The following HDAC9 variants were observed in gnomAD, a reference collection of about 807,000 sequenced individuals.
HDAC9 encodes the protein MEF-2 interacting transcription repressor (MITR) protein.
In HDAC9, 41 loss-of-function variants were observed where a neutral mutation model predicts 139.4. That is an observed-to-expected ratio of 0.29 (90% CI 0.23 to 0.38). The LOEUF (loss-of-function observed/expected upper bound fraction) is 0.38. Among genes scored for constraint, HDAC9 ranks in the 10% least tolerant of loss-of-function variants. HDAC9 has a pLI of 1.00. For missense variants in HDAC9, 1,147 were observed against 1,297.0 expected (o/e 0.88, Z 1.78); for synonymous variants, 517 against 476.2 (o/e 1.09, Z -1.12).
At chr7:18,605,861 C>T (rs891333792) in intron 6 of HDAC9, among the ~76,000 whole-genome samples, 3 of 151,860 alleles carry the variant, frequency 2.0e-5, no homozygotes, top group Admixed American at 2.0e-4. Flanking sequence ...TTTGTATTTT[C>T]AGTAGAGATG....
At chr7:18,707,764 A>C (rs1050622417) in intron 12 of HDAC9, among the ~76,000 whole-genome samples, 2 of 152,178 alleles carry the variant, frequency 1.3e-5, no homozygotes, top group Non-Finnish European at 2.9e-5. Context: ...TTAAAATGAG[A>C]AGAAAACTTT....
At chr7:18,320,688 T>C (rs916017317) in intron 1 of HDAC9, among the ~76,000 whole-genome samples, 7 of 152,206 alleles carry the variant, frequency 4.6e-5, no homozygotes, top group African/African-American at 1.7e-4. Flanking sequence ...GATATAATTA[T>C]GTCCTTTAGT....
chr7:18,107,695 A>T (rs1419557711), intron 1 of HDAC9, among the ~76,000 whole-genome samples: 1 of 152,238 alleles, frequency 6.6e-6, no homozygotes, highest in Admixed American at 6.5e-5. Context: ...ACATATTTTT[A>T]AAGTGTTTTC....
chr7:18,461,205 G>T (rs1227542716), intron 1 of HDAC9, among the ~76,000 whole-genome samples: 2 of 152,128 alleles, frequency 1.3e-5, no homozygotes, highest in Non-Finnish European at 2.9e-5. Context: ...TTGGAAACCA[G>T]TACTTAATTG....
chr7:18,995,605 C>T (rs1313658549), intron 25 of HDAC9, among the ~76,000 whole-genome samples: 1 of 152,200 alleles, frequency 6.6e-6, no homozygotes, highest in Non-Finnish European at 1.5e-5. Context: ...GAAGCAAAAA[C>T]CAGAGCCCTA....
chr7:18,704,560 A>T (rs1455526722), intron 12 of HDAC9, among the ~76,000 whole-genome samples: 1 of 152,226 alleles, frequency 6.6e-6, no homozygotes, highest in Non-Finnish European at 1.5e-5. Context: ...CTCAAATGGC[A>T]TTCTCATCTA....
At chr7:18,203,302 C>T (rs1791270558) in intron 2 of HDAC9, among the ~76,000 whole-genome samples, 1 of 152,164 alleles carries the variant, frequency 6.6e-6, no homozygotes, top group Admixed American at 6.5e-5. Flanking sequence ...TTTGTTTCCA[C>T]AGCCAAACCG....
At chr7:18,320,502 A>G (rs749513317) in intron 1 of HDAC9, among the ~76,000 whole-genome samples, 54 of 152,132 alleles carry the variant, frequency 3.5e-4, no homozygotes, top group Non-Finnish European at 6.8e-4. Flanking sequence ...CTTATTGTCA[A>G]TCACGTTAAC....
chr7:18,491,798 A>G (rs755522526), upstream of HDAC9, among the ~76,000 whole-genome samples: 4 of 151,952 alleles, frequency 2.6e-5, no homozygotes, highest in African/African-American at 4.8e-5. Context: ...TGTCTGTTCT[A>G]TATGGGTCCC....
intron 1 of HDAC9, among the ~76,000 whole-genome samples, chr7:18,100,830 G>C (rs1427899571): frequency 6.6e-6 from 1 of 152,092 alleles, no homozygotes; most frequent in African/African-American, 2.4e-5. Flanking sequence ...ATTGTAGGGT[G>C]CTGGATATTT....
At chr7:18,421,870 T>C (rs1184469915) in intron 1 of HDAC9, among the ~76,000 whole-genome samples, 1 of 152,200 alleles carries the variant, frequency 6.6e-6, no homozygotes, top group Non-Finnish European at 1.5e-5. Context: ...GGTTATTGTT[T>C]GTGGAAGCTG....
chr7:18,244,689 T>G (rs1051382171), intron 2 of HDAC9, among the ~76,000 whole-genome samples: 1 of 152,018 alleles, frequency 6.6e-6, no homozygotes, highest in Non-Finnish European at 1.5e-5. Context: ...TCCCAGCTAC[T>G]CGGGAGCCTG....
At chr7:18,946,325 T>C (rs1782402093) in intron 23 of HDAC9, among the ~76,000 whole-genome samples, 1 of 152,094 alleles carries the variant, frequency 6.6e-6, no homozygotes, top group African/African-American at 2.4e-5. Context: ...TGGGTGGTTG[T>C]ACAAATCACA....
rs576813080 is a variant in HDAC9 at position 18,530,960 on chromosome 7, G to A, written c.22+34636G>A. On this transcript the variant is annotated intron_variant, in intron 2 of 25. Transcript: ENST00000686413. ...TTCAGCTTCAGCCCGACTCGTTTCAGTACTCCAGCCCTGCCTCCCATATTA... is the reference window on the plus strand; with the variant it reads ...TTCAGCTTCAGCCCGACTCGTTTCAATACTCCAGCCCTGCCTCCCATATTA... Among the ~76,000 whole-genome samples, 5 of 151,770 alleles carry A rather than the reference G, an allele frequency of 3.3e-5. No homozygotes were observed. The East Asian group carries it at 9.6e-4, about 29-fold the overall frequency.
chr7:18,377,141 T>G (rs1785054081), intron 1 of HDAC9, among the ~76,000 whole-genome samples: 2 of 152,078 alleles, frequency 1.3e-5, no homozygotes, highest in Non-Finnish European at 1.5e-5. Context: ...CCAGCATGGT[T>G]GAGTTCTGGT....
chr7:18,947,812 T>C (rs555057084), intron 23 of HDAC9, among the ~76,000 whole-genome samples: 2 of 152,080 alleles, frequency 1.3e-5, no homozygotes, highest in East Asian at 3.9e-4. Context: ...GAAAGGAATA[T>C]TATAAGAGAA....
intron 2 of HDAC9, among the ~76,000 whole-genome samples, chr7:18,259,352 T>C (rs763161648): frequency 7.2e-5 from 11 of 152,094 alleles, no homozygotes; most frequent in South Asian, 2.1e-4. Context: ...TTTATTGATA[T>C]ATGAAGACAA....
intron 1 of HDAC9, among the ~76,000 whole-genome samples, chr7:18,451,202 G>A (rs951985270): frequency 8.6e-5 from 13 of 152,008 alleles, no homozygotes; most frequent in East Asian, 1.9e-4. Flanking sequence ...AGAAAGCATC[G>A]TCCATGAGGA....
chr7:18,506,373 A>G (rs898123929), intron 2 of HDAC9, among the ~76,000 whole-genome samples: 3 of 152,184 alleles, frequency 2.0e-5, no homozygotes, highest in African/African-American at 7.2e-5. Flanking sequence ...AGAAACAGAC[A>G]TTGCTAAGCT....
Sources: gnomAD v4.1 joint callset for allele counts (sites outside exome capture counted in the v4.1 genomes callset) on GRCh38, gnomAD v4.1.1 for gene constraint, MANE v1.5 for transcripts, NCBI Gene and HGNC (gene_info 2026-07-23, HGNC 2026-07-21) for gene names.